LDB2: variants seen among roughly 807,000 people sequenced by gnomAD.
LDB2 encodes LIM domain-binding protein 2.
In LDB2, 12 loss-of-function variants were observed where a neutral mutation model predicts 44.3. The observed-to-expected ratio is 0.27, with a 90% CI of 0.17 to 0.44. The LOEUF (loss-of-function observed/expected upper bound fraction) is 0.44, where lower values mean the gene tolerates loss of function less well. Among genes scored for constraint, LDB2 ranks in the 20% least tolerant of loss-of-function variants. The pLI, the probability that LDB2 is intolerant of heterozygous loss-of-function variation, is 1.00. For synonymous variants in LDB2, 164 were observed against 174.8 expected (o/e 0.94, Z 0.49); for missense variants, 344 against 473.5 (o/e 0.73, Z 2.54).
At chr4:16,893,311 G>C (rs938311648) in intron 1 of LDB2, among the ~76,000 whole-genome samples, 1 of 150,748 alleles carries the variant, frequency 6.6e-6, no homozygotes, top group African/African-American at 2.4e-5. Context: ...AAATTTCTAG[G>C]GGGGAGAAAC....
At chr4:16,666,440 C>T (rs1340395121) in intron 2 of LDB2, among the ~76,000 whole-genome samples, 1 of 152,228 alleles carries the variant, frequency 6.6e-6, no homozygotes, top group Non-Finnish European at 1.5e-5. Context: ...GGTAGTGACT[C>T]TTCCTTCATG....
rs1730797167 is a variant in LDB2, at chr4:16,533,515, A to G, written c.616-21411T>C. Among the ~76,000 whole-genome samples the G allele has an allele frequency of 6.6e-6, 1 of 152,210 alleles. No individual in the cohort carries two copies. Among genetic ancestry groups the G allele is most frequent in the African/African-American group, 2.4e-5 (1 of 41,456 alleles). The stretch of plus-strand genomic sequence containing the variant: ...TCCTAAAAAAGCAATGACAAATGAC[A>G]CAATGAAATTGTATCCTGGATGGTG... On this transcript the variant is annotated intron_variant, in intron 5 of 7. Coordinates refer to ENST00000304523, the MANE Select transcript of LDB2 (RefSeq NM_001290.5). This position sits in a 1 kb window ranked among gnomAD's most constrained non-coding sequence, Gnocchi z 4.1.
intron 1 of LDB2, among the ~76,000 whole-genome samples, chr4:16,864,255 T>A (rs989977433): frequency 1.3e-5 from 2 of 152,190 alleles, no homozygotes; most frequent in Non-Finnish European, 2.9e-5. Flanking sequence ...TTTTATTAGA[T>A]CTTCATTCTA....
intron 2 of LDB2, among the ~76,000 whole-genome samples, chr4:16,641,025 G>A (rs1734989423): frequency 6.6e-6 from 1 of 152,162 alleles, no homozygotes; most frequent in Non-Finnish European, 1.5e-5. Flanking sequence ...CCAAATGATG[G>A]TGGGAAGTTG....
At position 16,518,642 on chromosome 4, in the gene LDB2, A is replaced by G. The variant is rs1324916374; in HGVS notation, c.616-6538T>C. On this transcript the variant is annotated intron_variant, in intron 5 of 7. Coordinates refer to ENST00000304523, the MANE Select transcript of LDB2 (RefSeq NM_001290.5). ...AGCTCAGTAGTTGGACAGCCCACAAATTAAAAAATACTCACTATCTTGTCC... is the reference window on the plus strand; with the variant it reads ...AGCTCAGTAGTTGGACAGCCCACAAGTTAAAAAATACTCACTATCTTGTCC... Among the ~76,000 whole-genome samples the G allele has an allele frequency of 2.6e-5, 4 of 152,124 alleles. No individual in the cohort carries two copies. In the South Asian group the frequency reaches 8.3e-4, roughly 32 times the overall value.
intron 2 of LDB2, among the ~76,000 whole-genome samples, chr4:16,622,874 C>G (rs1729267973): frequency 6.6e-6 from 1 of 152,120 alleles, no homozygotes; most frequent in Admixed American, 6.6e-5. Context: ...AGCTATTGTC[C>G]CAAAGTTTGT....
intron 5 of LDB2, among the ~76,000 whole-genome samples, chr4:16,522,038 C>T (rs1726297433): frequency 1.3e-5 from 2 of 152,110 alleles, no homozygotes; most frequent in Non-Finnish European, 2.9e-5. Context: ...GTGTTTCAGT[C>T]TCCCCATCGG....
intron 1 of LDB2, among the ~76,000 whole-genome samples, chr4:16,762,278 C>T (rs1768094813): frequency 6.6e-6 from 1 of 152,158 alleles, no homozygotes; most frequent in Non-Finnish European, 1.5e-5. Context: ...AACCCTTTTC[C>T]CTGGCAACAG....
chr4:16,894,535 G>A (rs1724360445), intron 1 of LDB2, among the ~76,000 whole-genome samples: 4 of 152,114 alleles, frequency 2.6e-5, no homozygotes, highest in African/African-American at 7.2e-5. Context: ...ACAGAGAGGT[G>A]AGGTCCTGTT....
At chr4:16,617,978 T>G (rs1396134914) in intron 2 of LDB2, among the ~76,000 whole-genome samples, 1 of 152,162 alleles carries the variant, frequency 6.6e-6, no homozygotes, top group Non-Finnish European at 1.5e-5. Context: ...CTCTTCTGTC[T>G]TGTATTTTTC....
At chr4:16,619,050 C>T (rs1471322245) in intron 2 of LDB2, among the ~76,000 whole-genome samples, 1 of 152,204 alleles carries the variant, frequency 6.6e-6, no homozygotes, top group Non-Finnish European at 1.5e-5. Flanking sequence ...AGTCATGCTT[C>T]CTGTACAGCT....
At chr4:16,610,902 A>G (rs1429349019) in intron 2 of LDB2, among the ~76,000 whole-genome samples, 1 of 152,118 alleles carries the variant, frequency 6.6e-6, no homozygotes, top group East Asian at 1.9e-4. Flanking sequence ...CAACCCCAAG[A>G]CACATAATCA....
chr4:16,806,813 A>G (rs905073010), intron 1 of LDB2, among the ~76,000 whole-genome samples: 1 of 152,160 alleles, frequency 6.6e-6, no homozygotes, highest in Admixed American at 6.5e-5. Context: ...TCGTCTTCCC[A>G]GCTGTGTCAC....
At chr4:16,889,043 C>T (rs1722555132) in intron 1 of LDB2, among the ~76,000 whole-genome samples, 1 of 151,868 alleles carries the variant, frequency 6.6e-6, no homozygotes, top group African/African-American at 2.4e-5. Context: ...TACACAAACA[C>T]AATCTGATTA....
intron 2 of LDB2, among the ~76,000 whole-genome samples, chr4:16,684,302 T>C (rs528409582): frequency 6.6e-6 from 1 of 152,320 alleles, no homozygotes; most frequent in East Asian, 1.9e-4. Flanking sequence ...GGAAATTTCG[T>C]GTGAGTTTTG....
chr4:16,729,400 T>G (rs1760246146), intron 2 of LDB2, among the ~76,000 whole-genome samples: 1 of 152,054 alleles, frequency 6.6e-6, no homozygotes, highest in African/African-American at 2.4e-5. Flanking sequence ...TGAAATTCAG[T>G]CGGAAATTCA....
intron 7 of LDB2, 164 bp from the exon 8 acceptor site, chr4:16,503,037 C>A: frequency 6.5e-7 from 1 of 1,549,742 alleles, no homozygotes; most frequent in Non-Finnish European, 8.7e-7. Flanking sequence ...TTGATTTCTA[C>A]AGGAAATAAA....
chr4:16,672,945 TTC>T (rs953430350), intron 2 of LDB2, among the ~76,000 whole-genome samples: 12 of 151,082 alleles, frequency 7.9e-5, no homozygotes, highest in Non-Finnish European at 1.5e-4. Context: ...CTCTCCCTCC[TTC>T]TCTCTTTTTC....
chr4:16,646,735 A>G (rs189593883), intron 2 of LDB2, among the ~76,000 whole-genome samples: 26 of 152,280 alleles, frequency 1.7e-4, no homozygotes, highest in South Asian at 4.1e-4. Flanking sequence ...TATCACAACA[A>G]ATGCTAACCC....
Sources: allele counts gnomAD v4.1 joint callset (sites outside exome capture counted in the v4.1 genomes callset), GRCh38; gene constraint gnomAD v4.1.1; non-coding constraint Gnocchi (gnomAD v3.1); transcripts MANE v1.5; gene names NCBI Gene and HGNC (gene_info 2026-07-23, HGNC 2026-07-21).